Variants in THSD4 observed in about 807,000 individuals in gnomAD.
THSD4 encodes the protein thrombospondin type-1 domain-containing protein 4.
A neutral mutation model predicts 119.0 loss-of-function variants in THSD4; 69 were observed. The observed-to-expected ratio is 0.58, with a 90% CI of 0.48 to 0.71. THSD4 has a LOEUF of 0.71. THSD4 is among the 30% of genes least tolerant of loss of function. The pLI is 0.00. For missense variants in THSD4, 1,393 were observed against 1,391.1 expected (o/e 1.00, Z -0.02); for synonymous variants, 524 against 540.4 (o/e 0.97, Z 0.42).
intron 7 of THSD4, among the ~76,000 whole-genome samples, chr15:71,598,634 T>G (rs1359048926): frequency 6.6e-6 from 1 of 152,168 alleles, no homozygotes; most frequent in Non-Finnish European, 1.5e-5. Context: ...GTTTTGTTTT[T>G]TTGTTTTGAG....
intron 7 of THSD4, among the ~76,000 whole-genome samples, chr15:71,435,131 A>G (rs1008350690): frequency 2.0e-5 from 3 of 152,220 alleles, no homozygotes; most frequent in African/African-American, 7.2e-5. Context: ...ATTCAAAACA[A>G]GTAATTAAAA....
chr15:71,600,771 T>A (rs551575056), intron 7 of THSD4, among the ~76,000 whole-genome samples: 8 of 151,064 alleles, frequency 5.3e-5, no homozygotes, highest in African/African-American at 1.5e-4. Flanking sequence ...AGACAGAGTC[T>A]TGCTCTGTCG....
chr15:71,553,150 G>C (rs1237403353), intron 7 of THSD4, among the ~76,000 whole-genome samples: 1 of 152,056 alleles, frequency 6.6e-6, no homozygotes, highest in Non-Finnish European at 1.5e-5. Flanking sequence ...AGTGTCTGTG[G>C]GTTTATGTGC....
At chr15:71,664,134 C>T (rs1219697981) in intron 8 of THSD4, among the ~76,000 whole-genome samples, 1 of 152,016 alleles carries the variant, frequency 6.6e-6, no homozygotes. Context: ...AGGCGCTCAC[C>T]ACCATACCCG....
At chr15:71,474,221 ATTTTAT>A (rs375036217) in intron 7 of THSD4, among the ~76,000 whole-genome samples, 85 of 138,698 alleles carry the variant, frequency 6.1e-4, no homozygotes, top group African/African-American at 2.0e-3. Context: ...TTGCTATTTT[ATTTTAT>A]TTTTTTTTTT....
At chr15:71,619,809 C>T (rs1237556751) in intron 7 of THSD4, among the ~76,000 whole-genome samples, 1 of 152,198 alleles carries the variant, frequency 6.6e-6, no homozygotes, top group Non-Finnish European at 1.5e-5. Flanking sequence ...GTCTGTCTGA[C>T]AGTAACAGTT....
At chr15:71,749,697 T>TTTTATTTATTTATTTATTTA (rs71131703) in intron 14 of THSD4, among the ~76,000 whole-genome samples, 6,347 of 137,580 alleles carry the variant, frequency 0.046, 319 homozygotes, top group East Asian at 0.075. Flanking sequence ...ATTTTTAAAT[T>TTTTATTTATTTATTTATTTA]TTTATTTATT....
Position 71,341,140 on chromosome 15 carries a change from T to C in THSD4, c.1016-70547T>C. 3.7e-6 allele frequency: 5 copies of C among 1,357,714 alleles called. No homozygotes were observed. In the Middle Eastern group the frequency reaches 1.0e-3, roughly 278 times the overall value. 84.1% of individuals were successfully genotyped at this position (1,357,714 alleles called of 1,614,324 possible). A position where few individuals can be genotyped will look rare whatever the true frequency, so the allele number is the denominator to read the frequency against. On this transcript the variant is annotated intron_variant, in intron 6 of 17. Coordinates refer to ENST00000261862, the MANE Select transcript of THSD4 (RefSeq NM_024817.3). ...CCTTTTTTTTTTCCTTTTAATTACA[T>C]TTATTTTAATGCTGAATTTACTCCC... is the stretch of plus-strand genomic sequence containing the variant.
At chr15:71,505,781 A>G (rs1323518164) in intron 7 of THSD4, among the ~76,000 whole-genome samples, 3 of 152,216 alleles carry the variant, frequency 2.0e-5, no homozygotes, top group Admixed American at 2.0e-4. Context: ...AAGTGTCAGA[A>G]GCTCTTGGCG....
At chr15:71,329,700 G>C (rs2045397570) in intron 6 of THSD4, among the ~76,000 whole-genome samples, 1 of 152,154 alleles carries the variant, frequency 6.6e-6, no homozygotes, top group Admixed American at 6.5e-5. Context: ...GTGAAATTGA[G>C]GTCAAGCCAC....
intron 3 of THSD4, among the ~76,000 whole-genome samples, chr15:71,201,143 G>A (rs1439141053): frequency 1.3e-5 from 2 of 151,806 alleles, no homozygotes; most frequent in Non-Finnish European, 2.9e-5. Context: ...GTCTTCTTTA[G>A]GCCCAATGAC....
intron 6 of THSD4, among the ~76,000 whole-genome samples, chr15:71,314,195 A>G (rs923819651): frequency 3.9e-5 from 6 of 152,240 alleles, no homozygotes; most frequent in Middle Eastern, 3.4e-3. Flanking sequence ...GTTGAATTAT[A>G]TCTTGATTTT....
chr15:71,763,513 C>T (rs2053660581), intron 15 of THSD4, among the ~76,000 whole-genome samples: 1 of 151,812 alleles, frequency 6.6e-6, no homozygotes, highest in African/African-American at 2.4e-5. Flanking sequence ...GAGTTCAAGA[C>T]CAGCCTGGGC....
chr15:71,103,921 A>G (rs1290750742), intron 1 of THSD4, among the ~76,000 whole-genome samples: 1 of 152,070 alleles, frequency 6.6e-6, no homozygotes, highest in African/African-American at 2.4e-5. Flanking sequence ...GCTGCCTTTT[A>G]GTCTAGGCTG....
intron 3 of THSD4, among the ~76,000 whole-genome samples, chr15:71,199,777 T>A (rs867279988): frequency 5.7e-3 from 652 of 114,454 alleles, no homozygotes; most frequent in Middle Eastern, 0.054. Context: ...GTGTGTGTGG[T>A]GTGTGGGTGT....
chr15:71,470,247 G>C (rs1000595813), intron 7 of THSD4, among the ~76,000 whole-genome samples: 3 of 151,584 alleles, frequency 2.0e-5, no homozygotes, highest in African/African-American at 7.3e-5. Context: ...ATAATTATTT[G>C]CATTCAAGGG....
chr15:71,200,518 T>C (rs2043794627), intron 3 of THSD4, among the ~76,000 whole-genome samples: 2 of 152,190 alleles, frequency 1.3e-5, no homozygotes. Flanking sequence ...CAAAGTCTGA[T>C]GTGTCTTGTA....
intron 8 of THSD4, among the ~76,000 whole-genome samples, chr15:71,672,241 TG>T (rs2051546852): frequency 6.6e-6 from 1 of 152,214 alleles, no homozygotes; most frequent in African/African-American, 2.4e-5. Flanking sequence ...TTATTCTCTT[TG>T]AAGCAATTGT....
At chr15:71,734,565 G>A (rs930302333) in intron 10 of THSD4, among the ~76,000 whole-genome samples, 1 of 152,148 alleles carries the variant, frequency 6.6e-6, no homozygotes, top group African/African-American at 2.4e-5. Context: ...ATATTACACT[G>A]GCGGATGCAT....
Sources: allele counts gnomAD v4.1 joint callset (sites outside exome capture counted in the v4.1 genomes callset), GRCh38; gene constraint gnomAD v4.1.1; transcripts MANE v1.5; gene names NCBI Gene and HGNC (gene_info 2026-07-23, HGNC 2026-07-21).